Variants in GRIA4 observed in about 807,000 individuals in gnomAD.
GRIA4 encodes the protein glutamate receptor 4.
In GRIA4, 34 loss-of-function variants were observed where a neutral mutation model predicts 104.0. That is an observed-to-expected ratio of 0.33 (90% confidence interval 0.25 to 0.44). The LOEUF (loss-of-function observed/expected upper bound fraction) is 0.44. GRIA4 is among the 20% of genes least tolerant of loss of function. The probability of loss-of-function intolerance (pLI) is 1.00; values close to 1 mark genes in which losing one functional copy is unlikely to be tolerated. For synonymous variants in GRIA4, 386 were observed against 381.9 expected (o/e 1.01, Z -0.13); for missense variants, 750 against 1,096.5 (o/e 0.68, Z 4.46).
intron 10 of GRIA4, among the ~76,000 whole-genome samples, chr11:105,914,061 T>TTA (rs200097677): frequency 7.9e-5 from 12 of 151,458 alleles, no homozygotes; most frequent in East Asian, 7.7e-4. Flanking sequence ...ATAAAATGTA[T>TTA]TATATATATA....
intron 3 of GRIA4, among the ~76,000 whole-genome samples, chr11:105,635,494 A>G (rs1951180005): frequency 6.6e-6 from 1 of 152,222 alleles, no homozygotes; most frequent in African/African-American, 2.4e-5. Context: ...AAATTGAAAT[A>G]GGAATGTAGA....
At chr11:105,977,800 C>A (rs143047068) in intron 16 of GRIA4, among the ~76,000 whole-genome samples, 29 of 152,138 alleles carry the variant, frequency 1.9e-4, no homozygotes, top group African/African-American at 4.8e-4. Context: ...AAAACATTCA[C>A]CTCCAATAAC....
At chr11:105,921,642 A>C (rs1179354631) in intron 11 of GRIA4, among the ~76,000 whole-genome samples, 1 of 152,070 alleles carries the variant, frequency 6.6e-6, no homozygotes, top group Non-Finnish European at 1.5e-5. Flanking sequence ...CTCTTCAGAA[A>C]ACACCTGTAT....
At chr11:105,681,838 T>C (rs570140764) in intron 3 of GRIA4, among the ~76,000 whole-genome samples, 40 of 152,184 alleles carry the variant, frequency 2.6e-4, no homozygotes, top group Admixed American at 2.3e-3. Flanking sequence ...GGTCAGGAGT[T>C]CAAAACCAAC....
At chr11:105,716,068 A>C (rs1366000497) in intron 3 of GRIA4, among the ~76,000 whole-genome samples, 1 of 151,824 alleles carries the variant, frequency 6.6e-6, no homozygotes, top group East Asian at 1.9e-4. Flanking sequence ...GGCATAGTAA[A>C]AAGCATAATT....
chr11:105,963,590 A>T (rs1310588789), intron 14 of GRIA4, among the ~76,000 whole-genome samples: 1 of 152,150 alleles, frequency 6.6e-6, no homozygotes, highest in African/African-American at 2.4e-5. Flanking sequence ...CATGTAGATT[A>T]ATTGTGAACT....
Position 105,849,410 on chromosome 11 carries a change from A to G in GRIA4, c.488-12614A>G, listed in dbSNP as rs183968974. Among the ~76,000 whole-genome samples the G allele has an allele frequency of 1.2e-3, 179 of 152,278 alleles. 1 individual carries two copies. The highest frequency in any genetic ancestry group is 4.0e-3 in the African/African-American group (165 of 41,568). ...TATCCAGCTCAGTTCTGAAGGAGAC[A>G]CCTAGTGTAACCTCTGAGTGGCAAT... On this transcript the variant is annotated intron_variant, in intron 4 of 16. Transcript: ENST00000282499.
intron 3 of GRIA4, among the ~76,000 whole-genome samples, chr11:105,725,482 G>A (rs562765680): frequency 4.6e-5 from 7 of 152,192 alleles, no homozygotes; most frequent in Admixed American, 3.9e-4. Context: ...TAGCCATAGA[G>A]GGCACCTATA....
intron 4 of GRIA4, among the ~76,000 whole-genome samples, chr11:105,800,985 C>G (rs572582572): frequency 2.3e-4 from 35 of 151,938 alleles, no homozygotes; most frequent in Non-Finnish European, 4.7e-4. Flanking sequence ...TATAAATTAA[C>G]TAAATACAGC....
chr11:105,737,297 G>C (rs1019598024), intron 3 of GRIA4, among the ~76,000 whole-genome samples: 6 of 151,908 alleles, frequency 3.9e-5, no homozygotes, highest in Admixed American at 3.9e-4. Flanking sequence ...AATTAAATTG[G>C]CTGCTTTATG....
At chr11:105,815,198 A>G (rs1219842106) in intron 4 of GRIA4, among the ~76,000 whole-genome samples, 1 of 152,200 alleles carries the variant, frequency 6.6e-6, no homozygotes, top group East Asian at 1.9e-4. Context: ...CTCCAGTTAC[A>G]TGAATCAATA....
At chr11:105,831,722 A>G (rs985235422) in intron 4 of GRIA4, among the ~76,000 whole-genome samples, 1 of 152,056 alleles carries the variant, frequency 6.6e-6, no homozygotes, top group Non-Finnish European at 1.5e-5. Context: ...TAGGAAATCA[A>G]GGAATGAGCA....
intron 3 of GRIA4, among the ~76,000 whole-genome samples, chr11:105,654,159 G>A (rs1033830006): frequency 6.6e-6 from 1 of 151,992 alleles, no homozygotes; most frequent in African/African-American, 2.4e-5. Context: ...TAGAAGCAGA[G>A]AGTAAGGTAA....
rs373747524 is a variant in GRIA4 at position 105,659,156 on chromosome 11, G to A, written c.247+46722G>A. Among the ~76,000 whole-genome samples the A allele has an allele frequency of 2.6e-5, 4 of 152,112 alleles. No individual in the cohort carries two copies. The East Asian group carries it at 5.8e-4, about 22-fold the overall frequency. On this transcript the variant is annotated intron_variant, in intron 3 of 16. Transcript: ENST00000282499. ...AGTTGCTTCCTCACCCATCATCCATGTGGTAGCTGCGGGGATTGTCACCCA... is the reference window on the plus strand; with the variant it reads ...AGTTGCTTCCTCACCCATCATCCATATGGTAGCTGCGGGGATTGTCACCCA...
rs114905853 is a variant in GRIA4, at chr11:105,617,857, G to C, written c.247+5423G>C. 4.5e-3 allele frequency among the ~76,000 whole-genome samples: 688 copies of C among 152,050 alleles called. 4 individuals are homozygous for C. The highest frequency in any genetic ancestry group is 0.016 in the African/African-American group (651 of 41,492). ...GAAAGAGAGACAAGTCAGTGATTAC[G>C]GTAATGATTACAGTACAATGTGGTA... On this transcript the variant is annotated intron_variant, in intron 3 of 16. Coordinates refer to ENST00000282499, the MANE Select transcript of GRIA4 (RefSeq NM_000829.4).
intron 3 of GRIA4, among the ~76,000 whole-genome samples, chr11:105,710,066 T>A (rs1188235309): frequency 6.6e-6 from 1 of 152,176 alleles, no homozygotes; most frequent in African/African-American, 2.4e-5. Flanking sequence ...AGCATATCCT[T>A]AGTGAAGTCT....
intron 14 of GRIA4, among the ~76,000 whole-genome samples, chr11:105,934,338 T>C (rs1947970059): frequency 6.6e-6 from 1 of 152,164 alleles, no homozygotes; most frequent in South Asian, 2.1e-4. Flanking sequence ...TTTTTTTTAA[T>C]TATGCCTGGC....
intron 9 of GRIA4, 107 bp from the exon 10 acceptor site, chr11:105,910,328 C>T: frequency 6.5e-6 from 4 of 611,114 alleles, no homozygotes; most frequent in Non-Finnish European, 1.2e-5. Flanking sequence ...GTTTTGTTTG[C>T]TTACATTTGT....
intron 4 of GRIA4, among the ~76,000 whole-genome samples, chr11:105,789,164 T>C (rs768926380): frequency 3.9e-5 from 6 of 151,984 alleles, no homozygotes; most frequent in Non-Finnish European, 8.8e-5. Context: ...GCATCACAGA[T>C]AGAACTGGTA....
Sources: allele counts gnomAD v4.1 joint callset (sites outside exome capture counted in the v4.1 genomes callset), GRCh38; gene constraint gnomAD v4.1.1; transcripts MANE v1.5; gene names NCBI Gene and HGNC (gene_info 2026-07-23, HGNC 2026-07-21).